Variants in NCK1 observed in about 807,000 individuals in gnomAD.
NCK1 encodes the protein NCK adaptor protein 1.
Under a neutral mutation model 36.6 loss-of-function variants are expected in NCK1, and 19 were observed. The observed-to-expected ratio is 0.52, with a 90% CI of 0.36 to 0.76. The LOEUF (loss-of-function observed/expected upper bound fraction) is 0.76, where lower values mean the gene tolerates loss of function less well. Among genes scored for constraint, NCK1 ranks in the 30% least tolerant of loss-of-function variants. The pLI, the probability that NCK1 is intolerant of heterozygous loss-of-function variation, is 0.00. For synonymous variants in NCK1, 165 were observed against 156.0 expected, an observed-to-expected ratio of 1.06 and a Z score of -0.43; for missense variants, 358 against 445.6, an observed-to-expected ratio of 0.80 and a Z score of 1.77.
chr3:136,882,466 AG>A (rs1263356017), intron 1 of NCK1, among the ~76,000 whole-genome samples: 7 of 152,018 alleles, frequency 4.6e-5, no homozygotes, highest in Non-Finnish European at 1.5e-5. Flanking sequence ...AATGTTTTTA[AG>A]ATTTCTGCAT....
intron 1 of NCK1, among the ~76,000 whole-genome samples, chr3:136,903,645 G>A (rs1234227846): frequency 6.6e-6 from 1 of 152,080 alleles, no homozygotes; most frequent in Non-Finnish European, 1.5e-5. Context: ...GCCTGGTCTT[G>A]AACCCCTGAC....
chr3:136,889,806 C>T (rs541079373), intron 1 of NCK1, among the ~76,000 whole-genome samples: 1 of 152,154 alleles, frequency 6.6e-6, no homozygotes, highest in Non-Finnish European at 1.5e-5. Context: ...CTGAGCTAGA[C>T]GCAGGGTGCT....
intron 1 of NCK1, among the ~76,000 whole-genome samples, chr3:136,914,124 C>T (rs1414687265): frequency 6.6e-6 from 1 of 152,334 alleles, no homozygotes; most frequent in African/African-American, 2.4e-5. Flanking sequence ...GCAGTGGCCT[C>T]TAGCTATTGG....
intron 1 of NCK1, among the ~76,000 whole-genome samples, chr3:136,927,008 T>A (rs1451253272): frequency 1.3e-5 from 2 of 152,194 alleles, no homozygotes; most frequent in African/African-American, 4.8e-5. Flanking sequence ...TCTGGCTGTG[T>A]CACCCAGGCC....
At chr3:136,864,605 C>T (rs1279553608) in intron 1 of NCK1, among the ~76,000 whole-genome samples, 1 of 152,056 alleles carries the variant, frequency 6.6e-6, no homozygotes, top group Non-Finnish European at 1.5e-5. Context: ...GAGGCCAAGG[C>T]GGGAGGATAG....
At position 136,927,974 on chromosome 3, in the gene NCK1, G is replaced by A. The variant is rs770146973; in HGVS notation, c.-18-10G>A. On this transcript the variant is annotated splice_polypyrimidine_tract_variant and intron_variant, in intron 1 of 3. Coordinates refer to ENST00000481752, the MANE Select transcript of NCK1 (RefSeq NM_001291999.2). ...AACCTTACATAAAAATATTTTCCAT[G>A]TGTTTACAGTGCTGAAGCTGCTGAA... 69 of 1,538,352 alleles carry A rather than the reference G, an allele frequency of 4.5e-5. No individual in the cohort carries two copies. Among genetic ancestry groups the A allele is most frequent in the Middle Eastern group, 3.4e-4 (2 of 5,900 alleles).
intron 2 of NCK1, chr3:136,930,622 T>G (rs1019780661): frequency 1.0e-5 from 14 of 1,399,566 alleles, no homozygotes; most frequent in Non-Finnish European, 1.3e-5. Context: ...TTAAATCCAC[T>G]GTTTTCTTGA....
At chr3:136,944,407 C>T (rs1940758344) in intron 2 of NCK1, among the ~76,000 whole-genome samples, 3 of 152,020 alleles carry the variant, frequency 2.0e-5, no homozygotes, top group Non-Finnish European at 4.4e-5. Context: ...CATGAGCCAC[C>T]GTGCCCAGCC....
At chr3:136,891,642 A>G (rs1386240928) in intron 1 of NCK1, among the ~76,000 whole-genome samples, 1 of 152,188 alleles carries the variant, frequency 6.6e-6, no homozygotes, top group African/African-American at 2.4e-5. Context: ...GTACCATCTT[A>G]TCTTCCCACC....
At chr3:136,908,443 A>G (rs1192194854) in intron 1 of NCK1, among the ~76,000 whole-genome samples, 1 of 152,344 alleles carries the variant, frequency 6.6e-6, no homozygotes, top group Non-Finnish European at 1.5e-5. Flanking sequence ...ACAGCTTGCA[A>G]AGTGAGGGTG....
intron 1 of NCK1, among the ~76,000 whole-genome samples, chr3:136,893,819 G>C (rs1026321535): frequency 6.6e-6 from 1 of 152,128 alleles, no homozygotes; most frequent in Non-Finnish European, 1.5e-5. Flanking sequence ...TACTGCAACT[G>C]GTATTGAGGC....
intron 1 of NCK1, among the ~76,000 whole-genome samples, chr3:136,891,420 C>CCA (rs1010379232): frequency 2.0e-5 from 3 of 152,230 alleles, no homozygotes; most frequent in African/African-American, 7.2e-5. Flanking sequence ...CAGGCATGAG[C>CCA]CACCACGCCT....
intron 1 of NCK1, among the ~76,000 whole-genome samples, chr3:136,887,943 CT>C (rs545194154): frequency 4.3e-3 from 577 of 134,008 alleles, no homozygotes; most frequent in South Asian, 0.011. Context: ...TTCTTTCTTT[CT>C]TTTTTTTTTT....
rs1940912100 is a variant in NCK1, at chr3:136,949,271, A to G, written c.*818A>G. The G allele has an allele frequency of 6.6e-6, 1 of 151,948 alleles. No individual in the cohort carries two copies. Among genetic ancestry groups the G allele is most frequent in the Non-Finnish European group, 1.5e-5 (1 of 67,888 alleles). The allele number at this position is 151,948 out of a possible 1,614,324, so 9.4% of individuals were successfully genotyped here. On this transcript the variant is annotated 3_prime_UTR_variant, in exon 4 of 4. Coordinates refer to ENST00000481752, the MANE Select transcript of NCK1 (RefSeq NM_001291999.2). ...TACCTCTAGAGCATCTTGTATTAGG[A>G]CATGTTATATTTATGCCAGTGGGAA...
chr3:136,909,273 G>T (rs542683345), intron 1 of NCK1, among the ~76,000 whole-genome samples: 2 of 152,282 alleles, frequency 1.3e-5, no homozygotes, highest in East Asian at 3.9e-4. Context: ...TAGGCAAATG[G>T]TGCAAAGAAA....
At chr3:136,909,856 T>A (rs1939788243) in intron 1 of NCK1, among the ~76,000 whole-genome samples, 1 of 152,214 alleles carries the variant, frequency 6.6e-6, no homozygotes, top group African/African-American at 2.4e-5. Context: ...ACCTTCTTGT[T>A]TTATAGTCTA....
chr3:136,890,297 C>T (rs113020982), intron 1 of NCK1, among the ~76,000 whole-genome samples: 12 of 152,170 alleles, frequency 7.9e-5, no homozygotes, highest in African/African-American at 1.2e-4. Flanking sequence ...TGAGTGCGTG[C>T]GGGGCCTGCC....
intron 1 of NCK1, among the ~76,000 whole-genome samples, chr3:136,878,175 A>G (rs1210230845): frequency 6.6e-6 from 1 of 152,146 alleles, no homozygotes; most frequent in African/African-American, 2.4e-5. Flanking sequence ...TTGGGAGGCC[A>G]AGACGGGCAG....
intron 1 of NCK1, among the ~76,000 whole-genome samples, chr3:136,924,352 G>C (rs1210438186): frequency 1.3e-5 from 2 of 152,150 alleles, no homozygotes; most frequent in African/African-American, 4.8e-5. Flanking sequence ...ATATACACTA[G>C]CCAAATTCAC....
Sources: allele counts gnomAD v4.1 joint callset (sites outside exome capture counted in the v4.1 genomes callset), GRCh38; gene constraint gnomAD v4.1.1; transcripts MANE v1.5; gene names NCBI Gene and HGNC (gene_info 2026-07-23, HGNC 2026-07-21).